CMSS1: variants seen among roughly 807,000 people sequenced by gnomAD.
CMSS1 encodes cms1 ribosomal small subunit homolog, also known as protein CMSS1.
In CMSS1, 33 loss-of-function variants were observed where a neutral mutation model predicts 43.5. The ratio of observed to expected loss-of-function variants is 0.76; its 90% CI spans 0.57 to 1.01. CMSS1 has a LOEUF of 1.01. Ranked by LOEUF, CMSS1 falls within the 50% of genes least tolerant of loss-of-function variation. CMSS1 has a pLI of 0.00. For synonymous variants in CMSS1, 115 were observed against 117.2 expected (o/e 0.98, Z 0.12); for missense variants, 313 against 326.4 (o/e 0.96, Z 0.32).
At chr3:99,921,798 T>C (rs1177549783) in intron 1 of CMSS1, among the ~76,000 whole-genome samples, 2 of 152,252 alleles carry the variant, frequency 1.3e-5, no homozygotes, top group African/African-American at 2.4e-5. Flanking sequence ...ATTCTTCATA[T>C]ATTGATTTAG....
chr3:99,978,062 G>A (rs1709020895), intron 1 of CMSS1, among the ~76,000 whole-genome samples: 1 of 152,052 alleles, frequency 6.6e-6, no homozygotes, highest in Admixed American at 6.6e-5. Flanking sequence ...AACAAGCAAT[G>A]AACGTTTCAA....
intron 1 of CMSS1, among the ~76,000 whole-genome samples, chr3:99,836,017 G>A (rs1034584495): frequency 1.3e-5 from 2 of 152,172 alleles, no homozygotes; most frequent in Non-Finnish European, 2.9e-5. Context: ...AGTTTCAAAG[G>A]GAGATGAAAC....
intron 1 of CMSS1, among the ~76,000 whole-genome samples, chr3:99,970,407 G>A (rs1384141423): frequency 6.6e-6 from 1 of 152,222 alleles, no homozygotes; most frequent in Non-Finnish European, 1.5e-5. Context: ...GATAAATGCT[G>A]TAAAGGAAAT....
chr3:99,914,853 C>A (rs887846214), intron 1 of CMSS1, among the ~76,000 whole-genome samples: 24 of 152,094 alleles, frequency 1.6e-4, no homozygotes, highest in Admixed American at 1.6e-3. Flanking sequence ...TTGTGATGCA[C>A]CTGTGTGATA....
chr3:100,042,385 T>A (rs190425127), intron 1 of CMSS1, among the ~76,000 whole-genome samples: 1 of 152,228 alleles, frequency 6.6e-6, no homozygotes, highest in East Asian at 1.9e-4. Context: ...TACAGTGAAA[T>A]CTGTTATCTG....
chr3:100,130,148 TG>T (rs2066694637), intron 1 of CMSS1, among the ~76,000 whole-genome samples: 1 of 152,160 alleles, frequency 6.6e-6, no homozygotes, highest in Non-Finnish European at 1.5e-5. Context: ...AAAACAGAAA[TG>T]GGGAAACAGC....
intron 1 of CMSS1, among the ~76,000 whole-genome samples, chr3:100,007,707 T>C (rs1710027953): frequency 6.6e-6 from 1 of 152,210 alleles, no homozygotes; most frequent in African/African-American, 2.4e-5. Context: ...GAAGCTACAG[T>C]ATCGTGTAGG....
chr3:100,094,727 G>A (rs1160290686), intron 1 of CMSS1, among the ~76,000 whole-genome samples: 1 of 119,598 alleles, frequency 8.4e-6, no homozygotes, highest in Non-Finnish European at 1.6e-5. Flanking sequence ...TCTGTCACCC[G>A]AGCTGGAGTG....
At chr3:99,993,470 T>A (rs1281965333) in intron 1 of CMSS1, among the ~76,000 whole-genome samples, 4 of 152,092 alleles carry the variant, frequency 2.6e-5, no homozygotes, top group Admixed American at 2.6e-4. Flanking sequence ...GCCTCTTATT[T>A]CTTTCTCTTA....
At chr3:99,880,983 T>A (rs1390657152) in intron 1 of CMSS1, among the ~76,000 whole-genome samples, 2 of 152,222 alleles carry the variant, frequency 1.3e-5, no homozygotes, top group Admixed American at 6.5e-5. Flanking sequence ...TAAAAGCGCA[T>A]GTTTACATAT....
rs140166549 is a variant in CMSS1 at position 100,078,376 on chromosome 3, A to T, written c.65-68597A>T. ...TACAGTTCTTACATGTAGAACGATG[A>T]CATAACACATATGTAATATAAAACA... On this transcript the variant is annotated intron_variant, in intron 1 of 9. Transcript: ENST00000421999. Among the ~76,000 whole-genome samples the T allele has an allele frequency of 7.2e-3, 1,100 of 152,322 alleles. 18 individuals are homozygous for T. The highest frequency in any genetic ancestry group is 0.024 in the African/African-American group (1,014 of 41,566).
In CMSS1 at chr3:99,822,117, C is replaced by G. The variant is rs558526704; in HGVS notation, c.64+4074C>G. ...GATGAAGAGAATACTAATTGCTTTC[C>G]CTTTTTATTTCAATGACATACCTAT... On this transcript the variant is annotated intron_variant, in intron 1 of 9. Transcript: ENST00000421999. 7.9e-5 allele frequency among the ~76,000 whole-genome samples: 12 copies of G among 152,226 alleles called. No homozygotes were observed. The East Asian group carries it at 2.3e-3, about 29-fold the overall frequency.
intron 1 of CMSS1, among the ~76,000 whole-genome samples, chr3:99,960,832 G>C (rs188884828): frequency 2.0e-5 from 3 of 152,244 alleles, no homozygotes; most frequent in Admixed American, 2.0e-4. Flanking sequence ...TAAAGCTCTG[G>C]TTATATATTT....
At chr3:99,983,385 AATAAATATATATAT>A (rs1214774692) in intron 1 of CMSS1, among the ~76,000 whole-genome samples, 23 of 84,060 alleles carry the variant, frequency 2.7e-4, no homozygotes, top group Middle Eastern at 5.4e-3. Flanking sequence ...AAAATAAATA[AATAAATATATATAT>A]ATATATATAT....
At chr3:100,067,028 CT>C (rs2065677858) in intron 1 of CMSS1, among the ~76,000 whole-genome samples, 1 of 152,158 alleles carries the variant, frequency 6.6e-6, no homozygotes, top group Non-Finnish European at 1.5e-5. Flanking sequence ...GTCAAGTGTG[CT>C]TTGTATTCAG....
chr3:100,010,270 A>G (rs1306932276), intron 1 of CMSS1: 2 of 299,160 alleles, frequency 6.7e-6, no homozygotes, highest in Non-Finnish European at 9.9e-6. Context: ...TGTCCTTAGT[A>G]GTATACTGTG....
chr3:100,118,712 C>T (rs2066595861), intron 1 of CMSS1, among the ~76,000 whole-genome samples: 1 of 152,140 alleles, frequency 6.6e-6, no homozygotes, highest in African/African-American at 2.4e-5. Flanking sequence ...AAGTTGACCC[C>T]TAGGACAGAA....
intron 1 of CMSS1, among the ~76,000 whole-genome samples, chr3:100,117,857 A>G (rs1287189224): frequency 2.5e-4 from 16 of 64,580 alleles, no homozygotes; most frequent in Non-Finnish European, 4.3e-4. Flanking sequence ...ATATATACAT[A>G]TATATATATA....
chr3:100,162,711 C>T lies in CMSS1; in HGVS notation c.355+279C>T, dbSNP rs185991883. ...CTTTCAGGCCAGGCACAGTGGCTCA[C>T]GCCTATAATCCCAGCACTCTGGGAG... On this transcript the variant is annotated intron_variant, in intron 4 of 9. Transcript: ENST00000421999. Among the ~76,000 whole-genome samples, 33 of 152,150 alleles carry T rather than the reference C, an allele frequency of 2.2e-4. 1 individual carries two copies. The South Asian group carries it at 4.8e-3, about 22-fold the overall frequency.
Sources: allele counts gnomAD v4.1 joint callset (sites outside exome capture counted in the v4.1 genomes callset), GRCh38; gene constraint gnomAD v4.1.1; transcripts MANE v1.5; gene names NCBI Gene and HGNC (gene_info 2026-07-23, HGNC 2026-07-21).